POU6F2: variants seen among roughly 807,000 people sequenced by gnomAD.
POU6F2 encodes the protein POU class 6 homeobox 2.
POU6F2 carries 31 observed loss-of-function variants against 71.3 expected under a neutral mutation model. The ratio of observed to expected loss-of-function variants is 0.43; its 90% CI spans 0.33 to 0.59. The LOEUF (loss-of-function observed/expected upper bound fraction) is 0.59, where lower values mean the gene tolerates loss of function less well. POU6F2 is among the 20% of genes least tolerant of loss of function. POU6F2 has a pLI of 0.04. For synonymous variants in POU6F2, 347 were observed against 355.7 expected (o/e 0.98, Z 0.27); for missense variants, 783 against 856.8 (o/e 0.91, Z 1.07).
chr7:39,341,053 T>G (rs113531274), intron 5 of POU6F2, among the ~76,000 whole-genome samples: 1,881 of 152,274 alleles, frequency 0.012, 51 homozygotes, highest in African/African-American at 0.042. Flanking sequence ...TAAACCTCAG[T>G]CAGTCCGGCT....
Position 39,465,799 on chromosome 7 carries a change from C to T in POU6F2, c.*1113C>T, listed in dbSNP as rs1054913917. 6.6e-6 allele frequency: 1 copy of T among 152,176 alleles called. No individual in the cohort carries two copies. The highest frequency in any genetic ancestry group is 1.5e-5 in the Non-Finnish European group (1 of 68,040). The allele number at this position is 152,176 out of a possible 1,614,324, so 9.4% of individuals were successfully genotyped here. ...GTTGGCCACGTACATGGAGAGCTGA[C>T]CAAAACTAATTTTGTAATATAAACA... On this transcript the variant is annotated 3_prime_UTR_variant, in exon 10 of 10. Transcript: ENST00000518318.
At chr7:39,246,636 C>CTT (rs1783826253) in intron 4 of POU6F2, among the ~76,000 whole-genome samples, 1 of 152,140 alleles carries the variant, frequency 6.6e-6, no homozygotes, top group Non-Finnish European at 1.5e-5. Context: ...TGGGATGACT[C>CTT]TGAGAATGAG....
At chr7:39,205,512 C>T (rs942048411) in intron 3 of POU6F2, among the ~76,000 whole-genome samples, 9 of 152,084 alleles carry the variant, frequency 5.9e-5, no homozygotes, top group African/African-American at 2.2e-4. Flanking sequence ...GCCAAAACCC[C>T]CAAATCTATG....
chr7:39,205,711 T>C (rs1260788627), intron 3 of POU6F2, among the ~76,000 whole-genome samples: 1 of 152,202 alleles, frequency 6.6e-6, no homozygotes, highest in Non-Finnish European at 1.5e-5. Flanking sequence ...TTGGTGTGAA[T>C]TTAGCAAAGT....
intron 1 of POU6F2, among the ~76,000 whole-genome samples, chr7:38,990,015 A>G (rs1788565403): frequency 6.6e-6 from 1 of 152,042 alleles, no homozygotes; most frequent in African/African-American, 2.4e-5. Flanking sequence ...TCATCTTTTA[A>G]CTGATTAAGA....
At chr7:39,406,126 G>T (rs1787421208) in intron 5 of POU6F2, 1 of 155,538 alleles carries the variant, frequency 6.4e-6, no homozygotes, top group Non-Finnish European at 1.4e-5. Flanking sequence ...GTCCCTGAAA[G>T]AAACTGCAAT....
chr7:39,081,440 A>G (rs917492761), intron 1 of POU6F2, among the ~76,000 whole-genome samples: 1 of 152,220 alleles, frequency 6.6e-6, no homozygotes, highest in Admixed American at 6.5e-5. Flanking sequence ...CCACATGGGT[A>G]TGACTGCAGA....
intron 4 of POU6F2, among the ~76,000 whole-genome samples, chr7:39,289,868 C>T (rs1025708008): frequency 6.6e-6 from 1 of 152,066 alleles, no homozygotes; most frequent in Non-Finnish European, 1.5e-5. Context: ...ATCTCTGGAC[C>T]GTGTTCCTCC....
At chr7:39,291,015 G>GAA (rs35704977) in intron 4 of POU6F2, among the ~76,000 whole-genome samples, 1 of 122,426 alleles carries the variant, frequency 8.2e-6, no homozygotes, top group African/African-American at 3.1e-5. Context: ...AAAGAGGACA[G>GAA]AAAAAAAAAA....
intron 4 of POU6F2, among the ~76,000 whole-genome samples, chr7:39,332,516 C>G (rs12540793): frequency 0.49 from 73,841 of 151,956 alleles, 18,757 homozygotes; most frequent in East Asian, 0.82. Flanking sequence ...TTTGTAAGTT[C>G]CAAAATGGGC....
intron 1 of POU6F2, among the ~76,000 whole-genome samples, chr7:39,064,434 A>C (rs1292734159): frequency 3.3e-5 from 5 of 151,906 alleles, no homozygotes; most frequent in African/African-American, 9.7e-5. Context: ...AAAACTTTCA[A>C]ATTTTTGGCA....
intron 2 of POU6F2, among the ~76,000 whole-genome samples, chr7:39,178,300 TC>T (rs35412920): frequency 6.6e-6 from 1 of 152,066 alleles, no homozygotes. Context: ...ATTTTACTAT[TC>T]CCCATTTTTA....
chr7:39,277,629 G>A (rs910100160), intron 4 of POU6F2, among the ~76,000 whole-genome samples: 4 of 152,088 alleles, frequency 2.6e-5, no homozygotes, highest in South Asian at 2.1e-4. Context: ...TCAATTGAGC[G>A]GGGAAAGACC....
At position 39,278,094 on chromosome 7, in the gene POU6F2, AGGGAGGGAGGGAGGGG is replaced by A. The variant is rs111325716; in HGVS notation, c.599-61533_599-61518del. ...TTGAAAGAAAGCGAGAAAGAGAGGG[AGGGAGGGAGGGAGGGG>A]GGGAGGGAGGGAGGAAGGAATCAAA... On this transcript the variant is annotated intron_variant, in intron 4 of 9. Coordinates refer to ENST00000518318, the MANE Select transcript of POU6F2 (RefSeq NM_001370959.1). 6.7e-3 allele frequency among the ~76,000 whole-genome samples: 84 copies of A among 12,548 alleles called. 1 individual carries two copies. The South Asian group carries it at 0.12, about 17-fold the overall frequency. 8.2% of individuals were successfully genotyped at this position (12,548 alleles called of 152,430 possible).
At chr7:39,015,933 A>AATATATT (rs1789509978) in intron 1 of POU6F2, among the ~76,000 whole-genome samples, 2 of 39,924 alleles carry the variant, frequency 5.0e-5, no homozygotes, top group South Asian at 1.4e-3. Context: ...AGATATATAT[A>AATATATT]ATATATAGAT....
At chr7:39,406,505 G>C (rs937863156) in intron 5 of POU6F2, 95 bp from the exon 6 acceptor site, 9 of 1,438,746 alleles carry the variant, frequency 6.3e-6, no homozygotes, top group Non-Finnish European at 8.5e-6. Flanking sequence ...TGAGCGAATT[G>C]AGGCGAGAAC....
chr7:39,424,146 T>G (rs544579163), intron 6 of POU6F2, among the ~76,000 whole-genome samples: 1 of 152,204 alleles, frequency 6.6e-6, no homozygotes, highest in African/African-American at 2.4e-5. Flanking sequence ...CTCTTTTATA[T>G]GGACACTAAT....
intron 6 of POU6F2, among the ~76,000 whole-genome samples, chr7:39,427,037 C>T (rs920539736): frequency 1.3e-5 from 2 of 152,208 alleles, no homozygotes; most frequent in African/African-American, 4.8e-5. Flanking sequence ...ACAATTTCCA[C>T]TTTAAAAAAT....
chr7:39,063,177 C>G (rs918004165), intron 1 of POU6F2, among the ~76,000 whole-genome samples: 1 of 152,040 alleles, frequency 6.6e-6, no homozygotes, highest in African/African-American at 2.4e-5. Context: ...CGGTAAAAAT[C>G]AGAAGGTTTT....
Sources: allele counts gnomAD v4.1 joint callset (sites outside exome capture counted in the v4.1 genomes callset), GRCh38; gene constraint gnomAD v4.1.1; transcripts MANE v1.5; gene names NCBI Gene and HGNC (gene_info 2026-07-23, HGNC 2026-07-21).